Variants in PRMT7 observed in about 807,000 individuals in gnomAD.
The protein encoded by PRMT7 is protein arginine methyltransferase 7.
A neutral mutation model predicts 85.4 loss-of-function variants in PRMT7; 75 were observed. The observed-to-expected ratio is 0.88, with a 90% CI of 0.73 to 1.06. The LOEUF (loss-of-function observed/expected upper bound fraction) is 1.06, where lower values mean the gene tolerates loss of function less well. Ranked by LOEUF, PRMT7 falls within the 50% of genes least tolerant of loss-of-function variation. PRMT7 has a pLI of 0.00. For synonymous variants in PRMT7, 397 were observed against 359.5 expected (o/e 1.10, Z -1.18); for missense variants, 868 against 915.2 (o/e 0.95, Z 0.67).
chr16:68,357,470 T>A lies in PRMT7; in HGVS notation c.*246T>A, dbSNP rs531211311. Reference sequence around the variant, plus strand: ...GAGGGGCTGGGAAGACCCCCCTGCTTGTGCTTCTGAGGTGCTGAGAATGCT... The same window carrying A: ...GAGGGGCTGGGAAGACCCCCCTGCTAGTGCTTCTGAGGTGCTGAGAATGCT... On this transcript the variant is annotated 3_prime_UTR_variant, in exon 19 of 19. Coordinates refer to ENST00000441236, the MANE Select transcript of PRMT7 (RefSeq NM_019023.5). The A allele has an allele frequency of 9.2e-5, 45 of 491,052 alleles. No individual in the cohort carries two copies. The East Asian group carries it at 1.4e-3, about 16-fold the overall frequency. 30.4% of individuals were successfully genotyped at this position (491,052 alleles called of 1,614,324 possible).
intron 6 of PRMT7, among the ~76,000 whole-genome samples, chr16:68,331,254 T>C (rs3961282): frequency 0.79 from 119,406 of 151,698 alleles, 47,765 homozygotes; most frequent in African/African-American, 0.94. Context: ...GCTGGTAAGA[T>C]TCTTCCACAC....
intron 2 of PRMT7, among the ~76,000 whole-genome samples, chr16:68,313,730 A>G (rs2044287650): frequency 6.6e-6 from 1 of 152,242 alleles, no homozygotes; most frequent in African/African-American, 2.4e-5. Context: ...GATTATAGCA[A>G]TGTTGTTAAA....
chr16:68,329,417 A>C, intron 6 of PRMT7: 1 of 322,140 alleles, frequency 3.1e-6, no homozygotes, highest in African/African-American at 2.1e-5. Context: ...CAAAACCTAC[A>C]TTTGCTTTAA....
At chr16:68,333,099 C>G (rs894519650) in intron 6 of PRMT7, among the ~76,000 whole-genome samples, 1 of 152,096 alleles carries the variant, frequency 6.6e-6, no homozygotes. Context: ...CTCAAGTGAT[C>G]CTCCTGCCTC....
At chr16:68,352,170 GT>G in intron 14 of PRMT7, 77 bp from the exon 15 acceptor site, 1 of 1,468,416 alleles carries the variant, frequency 6.8e-7, no homozygotes, top group Non-Finnish European at 9.2e-7. Context: ...TGAGTGGCCT[GT>G]TGCTTCCGTG....
In PRMT7 at chr16:68,357,448, G is replaced by C. The variant is rs1415941806; in HGVS notation, c.*224G>C. 1.9e-6 allele frequency: 1 copy of C among 527,874 alleles called. No homozygotes were observed. Among genetic ancestry groups the C allele is most frequent in the African/African-American group, 1.9e-5 (1 of 51,676 alleles). The allele number at this position is 527,874 out of a possible 1,614,324, so 32.7% of individuals were successfully genotyped here. A position where few individuals can be genotyped will look rare whatever the true frequency, so the allele number is the denominator to read the frequency against. On this transcript the variant is annotated 3_prime_UTR_variant, in exon 19 of 19. Transcript: ENST00000441236. ...GGTGACTGAATTTGGAGCCCTGGAG[G>C]GGCTGGGAAGACCCCCCTGCTTGTG... is the stretch of plus-strand genomic sequence containing the variant.
chr16:68,322,515 CAT>C (rs1395011207), intron 4 of PRMT7: 8 of 389,184 alleles, frequency 2.1e-5, no homozygotes, highest in Non-Finnish European at 4.2e-5. Flanking sequence ...GCTTGTTTAC[CAT>C]GTGTATATCT....
At chr16:68,345,052 C>T (rs1436560879) in intron 9 of PRMT7, among the ~76,000 whole-genome samples, 4 of 151,438 alleles carry the variant, frequency 2.6e-5, no homozygotes, top group East Asian at 3.9e-4. Flanking sequence ...CACTTATCTC[C>T]CAAGAATGAA....
intron 14 of PRMT7, 113 bp downstream of exon 14, chr16:68,348,544 T>C (rs2863975): frequency 0.56 from 393,694 of 702,134 alleles, 112,709 homozygotes; most frequent in East Asian, 0.8. Context: ...GTCCTCCACA[T>C]GCAACCTTAC....
chr16:68,338,851 CG>C (rs1262242426), intron 7 of PRMT7, among the ~76,000 whole-genome samples: 2 of 152,086 alleles, frequency 1.3e-5, no homozygotes, highest in Non-Finnish European at 2.9e-5. Flanking sequence ...GGAGGAGAGC[CG>C]GACAAGGAGC....
intron 3 of PRMT7, among the ~76,000 whole-genome samples, chr16:68,318,255 A>C (rs1385729424): frequency 1.3e-5 from 2 of 148,444 alleles, no homozygotes; most frequent in African/African-American, 5.0e-5. Context: ...GCTAAAGTGC[A>C]GTGGCACGAT....
chr16:68,320,959 CCT>C (rs2151430156), intron 3 of PRMT7, among the ~76,000 whole-genome samples: 1 of 152,086 alleles, frequency 6.6e-6, no homozygotes, highest in African/African-American at 2.4e-5. Flanking sequence ...ATAACGAGAC[CCT>C]GTTTCTAAAA....
chr16:68,318,387 G>A (rs1262377690), intron 3 of PRMT7, among the ~76,000 whole-genome samples: 1 of 152,014 alleles, frequency 6.6e-6, no homozygotes, highest in Admixed American at 6.6e-5. Context: ...TTTTAATAGA[G>A]ACGGGGTTTC....
intron 2 of PRMT7, among the ~76,000 whole-genome samples, chr16:68,314,740 GAT>G (rs991585736): frequency 2.6e-5 from 4 of 152,294 alleles, no homozygotes; most frequent in African/African-American, 7.2e-5. Context: ...TGGTAAGAGG[GAT>G]GGGTATTGGG....
intron 14 of PRMT7, among the ~76,000 whole-genome samples, chr16:68,350,398 C>G (rs964049349): frequency 2.0e-5 from 3 of 151,738 alleles, no homozygotes; most frequent in Admixed American, 6.6e-5. Flanking sequence ...ATCTGAGGGT[C>G]CAGGTTCTCG....
rs1314849551 is a variant in PRMT7, at chr16:68,358,527, C to T, written c.*1303C>T. 1.3e-5 allele frequency: 2 copies of T among 152,564 alleles called. No individual in the cohort carries two copies. The highest frequency in any genetic ancestry group is 4.8e-5 in the African/African-American group (2 of 41,434). 9.5% of individuals were successfully genotyped at this position (152,564 alleles called of 1,614,324 possible). A position where few individuals can be genotyped will look rare whatever the true frequency, so the allele number is the denominator to read the frequency against. ...GCTTACCATAGAAAACCCCTAATGTCCCATGAAGATACAATACAGAAAAAA... is the reference window on the plus strand; with the variant it reads ...GCTTACCATAGAAAACCCCTAATGTTCCATGAAGATACAATACAGAAAAAA... On this transcript the variant is annotated 3_prime_UTR_variant, in exon 19 of 19. Transcript: ENST00000441236.
At chr16:68,325,647 C>CG (rs2083020823) in intron 5 of PRMT7, among the ~76,000 whole-genome samples, 1 of 151,954 alleles carries the variant, frequency 6.6e-6, no homozygotes, top group African/African-American at 2.4e-5. Flanking sequence ...AAAAATTAGC[C>CG]GGGTGTGGTG....
At chr16:68,344,385 A>G (rs962959699) in intron 9 of PRMT7, among the ~76,000 whole-genome samples, 3 of 152,236 alleles carry the variant, frequency 2.0e-5, no homozygotes, top group Non-Finnish European at 4.4e-5. Flanking sequence ...CTTTCACTCA[A>G]AATAGCTCCC....
At chr16:68,347,748 G>T in intron 13 of PRMT7, 70 bp downstream of exon 13, 1 of 1,443,512 alleles carries the variant, frequency 6.9e-7, no homozygotes. Context: ...CTTTGAAGTG[G>T]CATTGGCCCC....
Sources: gnomAD v4.1 joint callset for allele counts (sites outside exome capture counted in the v4.1 genomes callset) on GRCh38, gnomAD v4.1.1 for gene constraint, MANE v1.5 for transcripts, NCBI Gene and HGNC (gene_info 2026-07-23, HGNC 2026-07-21) for gene names.